The following C3orf20 variants were observed in gnomAD, a reference collection of about 807,000 sequenced individuals.
C3orf20 encodes the protein family with sequence similarity 149 member C, also known as uncharacterized protein C3orf20.
Under a neutral mutation model 88.3 loss-of-function variants are expected in C3orf20, and 76 were observed. That is an observed-to-expected ratio of 0.86 (90% confidence interval 0.72 to 1.04). C3orf20 has a LOEUF of 1.04. C3orf20 is among the 50% of genes least tolerant of loss of function. C3orf20 has a pLI of 0.00. For synonymous variants in C3orf20, 436 were observed against 437.4 expected (o/e 1.00, Z 0.04); for missense variants, 1,056 against 1,123.3 (o/e 0.94, Z 0.86).
chr3:14,770,698 C>T (rs576629721), intron 15 of C3orf20, among the ~76,000 whole-genome samples: 19 of 152,230 alleles, frequency 1.2e-4, no homozygotes, highest in South Asian at 8.3e-4. Context: ...CAGGGCCGGA[C>T]GCATAGTAGA....
chr3:14,685,856 CTTTTTTTTTTTTT>C (rs71038423), intron 4 of C3orf20, among the ~76,000 whole-genome samples: 7 of 68,384 alleles, frequency 1.0e-4, no homozygotes, highest in Admixed American at 2.2e-4. Flanking sequence ...GCAGGATTTC[CTTTTTTTTTTTTT>C]TTTTTTTTTT....
chr3:14,684,599 A>G (rs1196112671), intron 4 of C3orf20, among the ~76,000 whole-genome samples: 1 of 152,180 alleles, frequency 6.6e-6, no homozygotes, highest in Non-Finnish European at 1.5e-5. Context: ...GGCAACAGCT[A>G]CACCTCACAA....
intron 9 of C3orf20, among the ~76,000 whole-genome samples, chr3:14,719,687 G>A (rs141389253): frequency 6.6e-5 from 10 of 152,260 alleles, no homozygotes; most frequent in East Asian, 5.8e-4. Context: ...TGGGAGTTTG[G>A]GGGAGAGAAA....
intron 12 of C3orf20, among the ~76,000 whole-genome samples, chr3:14,730,035 C>G (rs1199142778): frequency 2.6e-5 from 4 of 152,140 alleles, no homozygotes; most frequent in African/African-American, 7.2e-5. Context: ...TTAGAAGCCC[C>G]CTTTAGTCCC....
At chr3:14,711,484 A>G (rs1305765167) in intron 7 of C3orf20, among the ~76,000 whole-genome samples, 1 of 152,036 alleles carries the variant, frequency 6.6e-6, no homozygotes, top group Non-Finnish European at 1.5e-5. Flanking sequence ...ATTCACCCCT[A>G]CTGTCTTTTG....
Position 14,757,381 on chromosome 3 carries a change from C to T in C3orf20, c.1951C>T (p.Arg651Cys), listed in dbSNP as rs745503373. The change falls in exon 13 of 17, where the codon CGC becomes TGC. Residue 651 changes from arginine to cysteine, a missense_variant. Transcript: ENST00000253697. ...KAKVTSRGKAREGRSPTRWAA... is the reference protein window; with the variant it reads ...KAKVTSRGKACEGRSPTRWAA... ...TGCTCCTCCTTGCAGAGGGAAGGCC[C>T]GCGAGGGGCGCAGCCCCACCAGGTG... 15 of 1,610,832 alleles carry T rather than the reference C, an allele frequency of 9.3e-6. No individual in the cohort carries two copies. The highest frequency in any genetic ancestry group is 6.7e-5 in the East Asian group (3 of 44,862).
chr3:14,704,252 T>C, intron 6 of C3orf20, 85 bp from the exon 7 acceptor site: 1 of 1,395,240 alleles, frequency 7.2e-7, no homozygotes, highest in African/African-American at 1.4e-5. Flanking sequence ...ATAGGGGTCT[T>C]GGGCACTAAG....
chr3:14,757,203 C>T (rs1225422801), intron 12 of C3orf20, among the ~76,000 whole-genome samples, 168 bp from the exon 13 acceptor site: 18 of 152,164 alleles, frequency 1.2e-4, no homozygotes, highest in African/African-American at 4.1e-4. Flanking sequence ...GAAAGAGGCC[C>T]AGAGAGGTTA....
intron 12 of C3orf20, among the ~76,000 whole-genome samples, chr3:14,754,865 C>T (rs2035317194): frequency 6.6e-6 from 1 of 152,096 alleles, no homozygotes; most frequent in Admixed American, 6.6e-5. Flanking sequence ...ACTGGGACCA[C>T]AGGCATGTGC....
chr3:14,682,545 G>A lies in C3orf20; in HGVS notation c.-136-33G>A, dbSNP rs951955240. 3.4e-6 allele frequency: 3 copies of A among 890,978 alleles called. No homozygotes were observed. In the African/African-American group the frequency reaches 5.0e-5, roughly 15 times the overall value. 55.2% of individuals were successfully genotyped at this position (890,978 alleles called of 1,614,324 possible). A position where few individuals can be genotyped will look rare whatever the true frequency, so the allele number is the denominator to read the frequency against. On this transcript the variant is annotated intron_variant, in intron 2 of 16. Coordinates refer to ENST00000253697, the MANE Select transcript of C3orf20 (RefSeq NM_032137.5). ...CTCCCCTTGCCCTACTATGGGGAGA[G>A]TGACTAACTCTTTTCTTGTCCTTTC...
chr3:14,680,420 T>C (rs1358410074), intron 1 of C3orf20, among the ~76,000 whole-genome samples: 1 of 152,122 alleles, frequency 6.6e-6, no homozygotes, highest in Non-Finnish European at 1.5e-5. Flanking sequence ...CCCACATAGT[T>C]GATGATCCTA....
intron 12 of C3orf20, among the ~76,000 whole-genome samples, chr3:14,741,663 C>T (rs1362656156): frequency 6.6e-6 from 1 of 152,174 alleles, no homozygotes; most frequent in African/African-American, 2.4e-5. Context: ...AAAGTGCAAG[C>T]TAGTGGTGGA....
chr3:14,728,856 A>G (rs1025884433), intron 12 of C3orf20, among the ~76,000 whole-genome samples, 168 bp downstream of exon 12: 14 of 152,242 alleles, frequency 9.2e-5, no homozygotes, highest in Non-Finnish European at 1.6e-4. Context: ...TTAGGCAGCG[A>G]TAAGGACTAG....
chr3:14,760,410 G>T (rs898854424), intron 14 of C3orf20, among the ~76,000 whole-genome samples: 2 of 152,054 alleles, frequency 1.3e-5, no homozygotes, highest in Non-Finnish European at 2.9e-5. Context: ...AGTCTCATTT[G>T]CTCACCCCAC....
intron 14 of C3orf20, among the ~76,000 whole-genome samples, chr3:14,761,255 C>T (rs1405684882): frequency 3.3e-5 from 5 of 149,274 alleles, no homozygotes; most frequent in East Asian, 2.1e-4. Flanking sequence ...GCAACCCCAC[C>T]GTCCCAGCCT....
At chr3:14,684,410 T>A (rs756039569) in intron 4 of C3orf20, 28 bp downstream of exon 4, 1 of 1,607,808 alleles carries the variant, frequency 6.2e-7, no homozygotes, top group African/African-American at 1.3e-5. Flanking sequence ...AACCCTTAGG[T>A]AAGAAGTGCA....
intron 15 of C3orf20, among the ~76,000 whole-genome samples, chr3:14,762,329 C>T (rs2035586696): frequency 6.6e-6 from 1 of 152,230 alleles, no homozygotes; most frequent in Non-Finnish European, 1.5e-5. Flanking sequence ...ACCTCCTGGG[C>T]CCAGCTCTCG....
intron 9 of C3orf20, among the ~76,000 whole-genome samples, chr3:14,717,937 C>A (rs951676295): frequency 2.6e-5 from 4 of 152,140 alleles, no homozygotes; most frequent in African/African-American, 9.7e-5. Flanking sequence ...ATTCAAGTCA[C>A]TGTTTATTTT....
chr3:14,729,610 G>A (rs548244789), intron 12 of C3orf20, among the ~76,000 whole-genome samples: 5 of 152,114 alleles, frequency 3.3e-5, no homozygotes, highest in Non-Finnish European at 7.4e-5. Context: ...GCAGTGGCAC[G>A]ATCTCAGCTC....
Sources: gnomAD v4.1 joint callset for allele counts (sites outside exome capture counted in the v4.1 genomes callset) on GRCh38, gnomAD v4.1.1 for gene constraint, MANE v1.5 for transcripts, NCBI Gene and HGNC (gene_info 2026-07-23, HGNC 2026-07-21) for gene names.